ZNF804B: variants seen among roughly 807,000 people sequenced by gnomAD.
The protein encoded by ZNF804B is zinc finger protein 804B.
A neutral mutation model predicts 101.4 loss-of-function variants in ZNF804B; 80 were observed. The observed-to-expected ratio is 0.79, with a 90% CI of 0.66 to 0.95. The LOEUF (loss-of-function observed/expected upper bound fraction) is 0.95. ZNF804B is among the 40% of genes least tolerant of loss of function. The probability of loss-of-function intolerance (pLI) is 0.00; values close to 1 mark genes in which losing one functional copy is unlikely to be tolerated. For missense variants in ZNF804B, 1,673 were observed against 1,561.9 expected (o/e 1.07, Z -1.20); for synonymous variants, 622 against 558.8 (o/e 1.11, Z -1.59).
chr7:89,278,184 T>A (rs1790020965), intron 2 of ZNF804B, among the ~76,000 whole-genome samples: 1 of 151,830 alleles, frequency 6.6e-6, no homozygotes, highest in Non-Finnish European at 1.5e-5. Context: ...TTTGCCCACT[T>A]TTTGATGGGG....
chr7:88,839,512 C>T (rs1791266030), intron 1 of ZNF804B, among the ~76,000 whole-genome samples: 1 of 151,976 alleles, frequency 6.6e-6, no homozygotes, highest in South Asian at 2.1e-4. Flanking sequence ...CCAGGCGAAT[C>T]ATCTCATCCT....
chr7:88,854,410 T>TCTTCCTTTCTTCCTTC (rs1791501768), intron 1 of ZNF804B, among the ~76,000 whole-genome samples: 5 of 132,638 alleles, frequency 3.8e-5, no homozygotes, highest in African/African-American at 1.5e-4. Context: ...TTTCTTTCTT[T>TCTTCCTTTCTTCCTTC]CTTCCTTTCT....
At chr7:89,089,019 A>G (rs1397353613) in intron 1 of ZNF804B, among the ~76,000 whole-genome samples, 2 of 150,990 alleles carry the variant, frequency 1.3e-5, no homozygotes, top group African/African-American at 4.9e-5. Flanking sequence ...GCTCCTGGGT[A>G]AGGTGTTATC....
intron 1 of ZNF804B, among the ~76,000 whole-genome samples, chr7:88,972,013 T>C (rs911958444): frequency 1.3e-5 from 2 of 151,614 alleles, no homozygotes; most frequent in South Asian, 4.1e-4. Context: ...GACATAGTGA[T>C]ATATTGAGAA....
chr7:89,336,892 A>G lies in ZNF804B; in HGVS notation c.3910A>G (p.Thr1304Ala). 1.2e-6 allele frequency: 2 copies of G among 1,614,090 alleles called. No homozygotes were observed. Among genetic ancestry groups the G allele is most frequent in the Non-Finnish European group, 1.7e-6 (2 of 1,180,008 alleles). Residue 1304 changes from threonine (T) to alanine (A), a missense_variant, in exon 4 of 4, where the codon ACA becomes GCA. Transcript: ENST00000333190. ...TLFGPHLNPA[T>A]TSIIHLNPLI... ...GTTTGGTCCTCACTTAAATCCAGCC[A>G]CAACTTCTATCATCCACTTGAATCC... is the stretch of plus-strand genomic sequence containing the variant.
intron 2 of ZNF804B, among the ~76,000 whole-genome samples, chr7:89,231,796 T>G (rs1789196192): frequency 2.0e-5 from 3 of 152,068 alleles, no homozygotes; most frequent in Admixed American, 2.0e-4. Context: ...ATCCTGTAAT[T>G]TTGTTCAACT....
intron 1 of ZNF804B, among the ~76,000 whole-genome samples, chr7:88,872,511 C>A (rs957299362): frequency 1.3e-5 from 2 of 151,798 alleles, no homozygotes; most frequent in East Asian, 1.9e-4. Flanking sequence ...GGTACGTGTG[C>A]ACAATGTGCA....
intron 2 of ZNF804B, among the ~76,000 whole-genome samples, chr7:89,236,568 A>G (rs1008575309): frequency 6.6e-6 from 1 of 152,156 alleles, no homozygotes; most frequent in Non-Finnish European, 1.5e-5. Flanking sequence ...CTGGTCATTT[A>G]GTGTAATTAG....
chr7:88,990,715 C>T (rs982539569), intron 1 of ZNF804B, among the ~76,000 whole-genome samples: 2 of 152,074 alleles, frequency 1.3e-5, no homozygotes, highest in Non-Finnish European at 2.9e-5. Flanking sequence ...GTGAGCACTC[C>T]TATCCTTAAT....
At chr7:88,834,383 T>C (rs962291932) in intron 1 of ZNF804B, among the ~76,000 whole-genome samples, 1 of 151,850 alleles carries the variant, frequency 6.6e-6, no homozygotes, top group Non-Finnish European at 1.5e-5. Flanking sequence ...TATTAATTCG[T>C]GCTTTAGAAT....
At chr7:89,065,194 G>A (rs1371176278) in intron 1 of ZNF804B, among the ~76,000 whole-genome samples, 38 of 152,164 alleles carry the variant, frequency 2.5e-4, no homozygotes, top group South Asian at 4.1e-4. Context: ...CAGAGCATGA[G>A]TTTGGATGAA....
chr7:89,158,464 AC>A (rs1791010031), intron 1 of ZNF804B, among the ~76,000 whole-genome samples: 2 of 151,994 alleles, frequency 1.3e-5, no homozygotes. Flanking sequence ...CGGTCTCAGG[AC>A]CATTGTGTCA....
At chr7:88,887,140 C>G (rs995760484) in intron 1 of ZNF804B, among the ~76,000 whole-genome samples, 54 of 152,180 alleles carry the variant, frequency 3.5e-4, no homozygotes, top group Admixed American at 2.9e-3. Context: ...GGAACTCTTC[C>G]CTGTAATAGG....
intron 1 of ZNF804B, among the ~76,000 whole-genome samples, chr7:88,874,913 A>C (rs1791903095): frequency 6.9e-6 from 1 of 144,390 alleles, no homozygotes; most frequent in African/African-American, 2.7e-5. Flanking sequence ...TTGGAAGTAA[A>C]GCTCTCCTCA....
chr7:88,864,413 A>G (rs1313736683), intron 1 of ZNF804B, among the ~76,000 whole-genome samples: 2 of 152,150 alleles, frequency 1.3e-5, no homozygotes, highest in Non-Finnish European at 2.9e-5. Context: ...GAGATGTACA[A>G]TCTCAGGGCC....
chr7:89,144,728 A>C (rs1016474232), intron 1 of ZNF804B, among the ~76,000 whole-genome samples: 1 of 152,112 alleles, frequency 6.6e-6, no homozygotes, highest in Non-Finnish European at 1.5e-5. Flanking sequence ...TATATGAGTT[A>C]ATGAATTTGT....
chr7:89,008,128 C>G (rs1370738377), intron 1 of ZNF804B, among the ~76,000 whole-genome samples: 2 of 152,246 alleles, frequency 1.3e-5, no homozygotes, highest in East Asian at 3.9e-4. Context: ...CAGACAGCTT[C>G]TACCACTTTG....
chr7:88,799,773 G>A (rs2115707114), intron 1 of ZNF804B, among the ~76,000 whole-genome samples: 1 of 152,152 alleles, frequency 6.6e-6, no homozygotes, highest in South Asian at 2.1e-4. Flanking sequence ...ATGTTCTTGA[G>A]ACAGAGCAGG....
chr7:89,195,032 A>T (rs1788524420), intron 1 of ZNF804B, among the ~76,000 whole-genome samples: 1 of 151,884 alleles, frequency 6.6e-6, no homozygotes, highest in Non-Finnish European at 1.5e-5. Context: ...AGGCTGGTTC[A>T]ATATATGCAA....
Sources: gnomAD v4.1 joint callset for allele counts (sites outside exome capture counted in the v4.1 genomes callset) on GRCh38, gnomAD v4.1.1 for gene constraint, MANE v1.5 for transcripts, NCBI Gene and HGNC (gene_info 2026-07-23, HGNC 2026-07-21) for gene names.